PLXNC1: variants seen among roughly 807,000 people sequenced by gnomAD.
The protein encoded by PLXNC1 is plexin-C1.
A neutral mutation model predicts 178.2 loss-of-function variants in PLXNC1; 75 were observed. The observed-to-expected ratio is 0.42, with a 90% CI of 0.35 to 0.51. The LOEUF (loss-of-function observed/expected upper bound fraction) is 0.51. Ranked by LOEUF, PLXNC1 falls within the 20% of genes least tolerant of loss-of-function variation. The pLI, the probability that PLXNC1 is intolerant of heterozygous loss-of-function variation, is 0.02. For missense variants in PLXNC1, 1,503 were observed against 1,984.4 expected, an observed-to-expected ratio of 0.76 and a Z score of 4.61; for synonymous variants, 790 against 779.9, an observed-to-expected ratio of 1.01 and a Z score of -0.22.
chr12:94,287,437 C>T (rs1355994734), intron 23 of PLXNC1, among the ~76,000 whole-genome samples: 1 of 152,210 alleles, frequency 6.6e-6, no homozygotes, highest in East Asian at 1.9e-4. Context: ...AGCCTTCTTC[C>T]TCTCACTCGC....
intron 4 of PLXNC1, 36 bp from the exon 5 acceptor site, chr12:94,209,554 G>A (rs772158082): frequency 8.1e-6 from 10 of 1,235,250 alleles, no homozygotes; most frequent in African/African-American, 5.9e-5. Flanking sequence ...ACTAACACAC[G>A]TATGGGGTCG....
chr12:94,167,688 A>G (rs1310627156), intron 1 of PLXNC1, among the ~76,000 whole-genome samples: 3 of 152,082 alleles, frequency 2.0e-5, no homozygotes, highest in Non-Finnish European at 4.4e-5. Flanking sequence ...CTTAACTTCA[A>G]TTTTCACAGG....
chr12:94,153,071 T>C lies in PLXNC1; in HGVS notation c.1062+3038T>C, dbSNP rs1215886293. Among the ~76,000 whole-genome samples, 4 of 152,358 alleles carry C rather than the reference T, an allele frequency of 2.6e-5. No individual in the cohort carries two copies. In the East Asian group the frequency reaches 7.7e-4, roughly 29 times the overall value. On this transcript the variant is annotated intron_variant, in intron 1 of 30. Transcript: ENST00000258526. ...GTGATATTTGTACAGCACTTCCACATGTATTATTTCTTTTGAGCCCCGCAT... is the reference window on the plus strand; with the variant it reads ...GTGATATTTGTACAGCACTTCCACACGTATTATTTCTTTTGAGCCCCGCAT...
intron 6 of PLXNC1, among the ~76,000 whole-genome samples, chr12:94,222,713 G>A (rs972010662): frequency 4.6e-5 from 7 of 151,212 alleles, no homozygotes; most frequent in African/African-American, 1.7e-4. Context: ...TGCCTATTTG[G>A]TGCTTGAAAA....
At chr12:94,287,875 A>G (rs1224076881) in intron 23 of PLXNC1, among the ~76,000 whole-genome samples, 1 of 152,250 alleles carries the variant, frequency 6.6e-6, no homozygotes, top group Non-Finnish European at 1.5e-5. Context: ...GCTTTGACCA[A>G]CAGCAGCTCT....
At chr12:94,259,522 T>C (rs1160562107) in intron 18 of PLXNC1, 88 bp from the exon 19 acceptor site, 4 of 1,185,838 alleles carry the variant, frequency 3.4e-6, no homozygotes, top group Middle Eastern at 2.5e-4. Context: ...TAATTCATTG[T>C]CTTGGAAAAC....
intron 17 of PLXNC1, chr12:94,256,178 G>C (rs202046510): frequency 6.6e-6 from 1 of 152,064 alleles, no homozygotes; most frequent in Admixed American, 6.6e-5. Flanking sequence ...TCTAAGCAAC[G>C]GCTGAAATCT....
chr12:94,242,700 A>G (rs905994590), intron 11 of PLXNC1, among the ~76,000 whole-genome samples: 3 of 152,160 alleles, frequency 2.0e-5, no homozygotes, highest in Non-Finnish European at 2.9e-5. Flanking sequence ...CCACTCTAGG[A>G]CCAATTCCAT....
At position 94,260,988 on chromosome 12, in the gene PLXNC1, A is replaced by G. The variant is rs1964975384; in HGVS notation, c.3450+148A>G. On this transcript the variant is annotated intron_variant, in intron 20 of 30. Transcript: ENST00000258526. This position sits in a 1 kb window ranked among gnomAD's most constrained non-coding sequence, Gnocchi z 4.4. ...TCGTCTTGGTCCTGACCCAGAACAG[A>G]GAGAGGGAAAGTAAACATTGTTTTT... is the stretch of plus-strand genomic sequence containing the variant. The G allele has an allele frequency of 5.7e-6, 4 of 697,108 alleles. No individual in the cohort carries two copies. The highest frequency in any genetic ancestry group is 1.6e-5 in the South Asian group (1 of 61,244). The allele number at this position is 697,108 out of a possible 1,614,324, so 43.2% of individuals were successfully genotyped here.
intron 23 of PLXNC1, among the ~76,000 whole-genome samples, chr12:94,292,448 C>T (rs1256218797): frequency 2.6e-5 from 4 of 152,156 alleles, no homozygotes; most frequent in Non-Finnish European, 4.4e-5. Context: ...GCATGTCCCA[C>T]ATTATGCTTA....
intron 4 of PLXNC1, among the ~76,000 whole-genome samples, chr12:94,188,516 G>A (rs148814089): frequency 0.013 from 1,965 of 152,082 alleles, 35 homozygotes; most frequent in African/African-American, 0.045. Context: ...TAGAGATGGG[G>A]TTTCACCATG....
intron 5 of PLXNC1, among the ~76,000 whole-genome samples, chr12:94,215,567 T>TAGATAGAC (rs1963621576): frequency 6.7e-6 from 1 of 150,246 alleles, no homozygotes; most frequent in Non-Finnish European, 1.5e-5. Flanking sequence ...GATAGATAGA[T>TAGATAGAC]AGATAGATAG....
At chr12:94,268,716 T>C (rs1485819337) in intron 21 of PLXNC1, among the ~76,000 whole-genome samples, 1 of 145,252 alleles carries the variant, frequency 6.9e-6, no homozygotes, top group African/African-American at 2.5e-5. Context: ...TGCCTCAGCC[T>C]CCCAAATACC....
chr12:94,185,955 C>G, intron 3 of PLXNC1: 1 of 173,582 alleles, frequency 5.8e-6, no homozygotes, highest in Non-Finnish European at 1.3e-5. Context: ...AGAGAGAGCT[C>G]TTAAAATACA....
chr12:94,187,201 A>AAT (rs1555196783), intron 4 of PLXNC1, among the ~76,000 whole-genome samples: 2 of 151,144 alleles, frequency 1.3e-5, no homozygotes, highest in African/African-American at 4.9e-5. Context: ...AGAAAAAAAA[A>AAT]CCCATAACAG....
intron 1 of PLXNC1, among the ~76,000 whole-genome samples, chr12:94,153,797 A>C (rs768828611): frequency 1.3e-5 from 2 of 152,224 alleles, no homozygotes; most frequent in Non-Finnish European, 2.9e-5. Flanking sequence ...AGCCTGACAT[A>C]ATTTAACTGT....
intron 9 of PLXNC1, among the ~76,000 whole-genome samples, chr12:94,232,169 C>A (rs893582321): frequency 6.6e-6 from 1 of 152,132 alleles, no homozygotes; most frequent in Admixed American, 6.5e-5. Context: ...TCACTGCAAC[C>A]TCTGCCTCCC....
At chr12:94,172,211 G>C (rs1409634958) in intron 2 of PLXNC1, among the ~76,000 whole-genome samples, 1 of 152,214 alleles carries the variant, frequency 6.6e-6, no homozygotes, top group Non-Finnish European at 1.5e-5. Flanking sequence ...AACGCAGACA[G>C]TAGGAGGAGG....
chr12:94,215,541 G>A (rs980972512), intron 5 of PLXNC1, among the ~76,000 whole-genome samples: 26 of 143,110 alleles, frequency 1.8e-4, no homozygotes, highest in Admixed American at 5.8e-4. Context: ...ACTCCCATTA[G>A]ATTGCAAACA....
Sources: gnomAD v4.1 joint callset for allele counts (sites outside exome capture counted in the v4.1 genomes callset) on GRCh38, gnomAD v4.1.1 for gene constraint, Gnocchi (gnomAD v3.1) non-coding constraint, MANE v1.5 for transcripts, NCBI Gene and HGNC (gene_info 2026-07-23, HGNC 2026-07-21) for gene names.